The following ORM2 variants were observed in gnomAD, a reference collection of about 807,000 sequenced individuals.
The protein encoded by ORM2 is alpha-1-acid glycoprotein 2.
ORM2 carries 19 observed loss-of-function variants against 26.8 expected under a neutral mutation model. The observed-to-expected ratio is 0.71, with a 90% confidence interval of 0.49 to 1.04. ORM2 has a LOEUF of 1.04. Among genes scored for constraint, ORM2 ranks in the 50% least tolerant of loss-of-function variants. The pLI, the probability that ORM2 is intolerant of heterozygous loss-of-function variation, is 0.00. For missense variants in ORM2, 259 were observed against 244.9 expected, an observed-to-expected ratio of 1.06 and a Z score of -0.39; for synonymous variants, 94 against 100.0, an observed-to-expected ratio of 0.94 and a Z score of 0.36.
intron 2 of ORM2, 59 bp from the exon 3 acceptor site, chr9:114,330,733 A>T: frequency 6.2e-7 from 1 of 1,601,426 alleles, no homozygotes; most frequent in Non-Finnish European, 8.6e-7. Flanking sequence ...GTGATGGGCG[A>T]TTGGCCACTT....
At chr9:114,332,186 G>C (rs1204722753) in intron 5 of ORM2, among the ~76,000 whole-genome samples, 1 of 151,882 alleles carries the variant, frequency 6.6e-6, no homozygotes, top group Non-Finnish European at 1.5e-5. Flanking sequence ...TGAGCCACGG[G>C]GTTGGGGGAT....
At chr9:114,332,824 G>T (rs2131732404) in intron 5 of ORM2, among the ~76,000 whole-genome samples, 1 of 152,334 alleles carries the variant, frequency 6.6e-6, no homozygotes, top group African/African-American at 2.4e-5. Flanking sequence ...GGTACTATGT[G>T]CTCAGTAAAT....
In ORM2 at chr9:114,332,562, T is replaced by A. The variant is rs139726360; in HGVS notation, c.541-507T>A. On this transcript the variant is annotated intron_variant, in intron 5 of 5. Transcript: ENST00000431067. The stretch of plus-strand genomic sequence containing the variant: ...TGACTATTCAAAGAAAAACAATTCC[T>A]TCCATTTGCCACCTGAGATGACCAC... Among the ~76,000 whole-genome samples, 7 of 152,030 alleles carry A rather than the reference T, an allele frequency of 4.6e-5. No individual in the cohort carries two copies. In the East Asian group the frequency reaches 7.8e-4, roughly 17 times the overall value.
chr9:114,330,941 C>G (rs1829841499), intron 3 of ORM2, 79 bp downstream of exon 3: 1 of 1,187,298 alleles, frequency 8.4e-7, no homozygotes, highest in African/African-American at 1.5e-5. Context: ...GGATGTAGAG[C>G]CCTGGAGGCT....
In ORM2 at chr9:114,330,486, A is replaced by G. The variant is rs777042846; in HGVS notation, c.167A>G (p.Asn56Ser). 1.4e-5 allele frequency: 22 copies of G among 1,611,122 alleles called. No homozygotes were observed. The highest frequency in any genetic ancestry group is 1.6e-4 in the Middle Eastern group (1 of 6,078). Residue 56 changes from asparagine (N) to serine (S), a missense_variant, in exon 2 of 6, where the codon AAT (asparagine) becomes AGT (serine). Coordinates refer to ENST00000431067, the MANE Select transcript of ORM2 (RefSeq NM_000608.4). ...TCGGCCTTTCGAAACGAGGAGTACA[A>G]TAAGTCGGTTCAGGAGATCCAAGCA... The part of the protein sequence containing the change: ...IASAFRNEEY[N>S]KSVQEIQATF...
Position 114,331,869 on chromosome 9 carries a change from C to A in ORM2, c.480C>A (p.Tyr160Ter), listed in dbSNP as rs142563384. 1 of 1,613,820 alleles carries A rather than the reference C, an allele frequency of 6.2e-7. No individual in the cohort carries two copies. Among genetic ancestry groups the A allele is most frequent in the East Asian group, 2.2e-5 (1 of 44,872 alleles). ...CCAAGGAGCAACTGGGAGAGTTCTA[C>A]GAAGCTCTCGACTGCTTGTGCATTC... ...ETTKEQLGEF[Y>*]EALDCLCIPR... Residue 160 changes from tyrosine to a stop codon, truncating the protein, a stop_gained, in exon 5 of 6, where the codon TAC becomes TAA. Coordinates refer to ENST00000431067, the MANE Select transcript of ORM2 (RefSeq NM_000608.4). LOFTEE classifies it high-confidence loss of function.
At chr9:114,332,489 C>T (rs1337921020) in intron 5 of ORM2, among the ~76,000 whole-genome samples, 1 of 152,136 alleles carries the variant, frequency 6.6e-6, no homozygotes, top group African/African-American at 2.4e-5. Flanking sequence ...AATCACAGCA[C>T]CGATGAGCTG....
rs146039808 is a variant in ORM2 at position 114,331,917 on chromosome 9, C to T, written c.528C>T (p.Thr176=). 11 of 1,613,718 alleles carry T rather than the reference C, an allele frequency of 6.8e-6. No individual in the cohort carries two copies. The highest frequency in any genetic ancestry group is 9.3e-6 in the Non-Finnish European group (11 of 1,179,804). ...LCIPRSDVMY[T]DWKKDKCEPL... is the part of the protein sequence containing the mutation. ...TTCCCAGGTCAGATGTCATGTACAC[C>T]GACTGGAAAAAGGTAAACGCAAGGG... Residue 176 remains threonine (T), a synonymous_variant, in exon 5 of 6, where the codon ACC becomes ACT. Transcript: ENST00000431067.
chr9:114,332,761 C>CA (rs1438426248), intron 5 of ORM2, among the ~76,000 whole-genome samples: 1 of 152,184 alleles, frequency 6.6e-6, no homozygotes, highest in Non-Finnish European at 1.5e-5. Flanking sequence ...ACATCATCTG[C>CA]ATAGTAGTGG....
In ORM2 at chr9:114,330,112, C is replaced by T. The variant is rs776000114; in HGVS notation, c.114+94C>T. The T allele has an allele frequency of 2.9e-5, 46 of 1,606,902 alleles. 1 individual carries two copies. The highest frequency in any genetic ancestry group is 3.3e-4 in the Middle Eastern group (2 of 6,066). On this transcript the variant is annotated intron_variant, in intron 1 of 5. Coordinates refer to ENST00000431067, the MANE Select transcript of ORM2 (RefSeq NM_000608.4). The stretch of plus-strand genomic sequence containing the variant: ...CCTGCTGGCTGTGGTCGCACCCCCA[C>T]TCCCAGCTCTGCCTTTTTCTCTTCT...
Position 114,331,915 on chromosome 9 carries a change from A to T in ORM2, c.526A>T (p.Thr176Ser). Residue 176 changes from threonine to serine, a missense_variant, in exon 5 of 6, where the codon ACC (threonine) becomes TCC (serine). Physicochemically the swap from Thr to Ser is moderately conservative, Grantham distance 58. Coordinates refer to ENST00000431067, the MANE Select transcript of ORM2 (RefSeq NM_000608.4). ...LCIPRSDVMY[T>S]DWKKDKCEPL... ...CATTCCCAGGTCAGATGTCATGTAC[A>T]CCGACTGGAAAAAGGTAAACGCAAG... 6.2e-7 allele frequency: 1 copy of T among 1,613,774 alleles called. No homozygotes were observed. Among genetic ancestry groups the T allele is most frequent in the Non-Finnish European group, 8.5e-7 (1 of 1,179,826 alleles).
At position 114,331,597 on chromosome 9, in the gene ORM2, T is replaced by G. The variant is rs1588925729; in HGVS notation, c.359T>G (p.Leu120Arg). 28 of 1,613,918 alleles carry G rather than the reference T, an allele frequency of 1.7e-5. No homozygotes were observed. Among genetic ancestry groups the G allele is most frequent in the Non-Finnish European group, 2.3e-5 (27 of 1,180,006 alleles). Reference sequence around the variant, plus strand: ...GGCCGAGAACATGTTGCTCACCTGCTGTTCCTTAGGGACACCAAGACCTTG... The same window carrying G: ...GGCCGAGAACATGTTGCTCACCTGCGGTTCCTTAGGGACACCAAGACCTTG... ...EGGREHVAHL[L>R]FLRDTKTLMF... Residue 120 changes from leucine to arginine, a missense_variant, in exon 4 of 6, where the codon CTG becomes CGG. Coordinates refer to ENST00000431067, the MANE Select transcript of ORM2 (RefSeq NM_000608.4).
At chr9:114,332,733 C>G (rs927535952) in intron 5 of ORM2, among the ~76,000 whole-genome samples, 4 of 152,176 alleles carry the variant, frequency 2.6e-5, no homozygotes, top group Non-Finnish European at 5.9e-5. Context: ...GGTCCCAAGG[C>G]CACCCTGCTC....
intron 5 of ORM2, among the ~76,000 whole-genome samples, chr9:114,332,152 G>A (rs1687382): frequency 4.4e-4 from 67 of 151,648 alleles, no homozygotes; most frequent in Middle Eastern, 3.4e-3. Flanking sequence ...GGGAGGACCT[G>A]AAAGCTAACA....
chr9:114,331,723 C>T (rs1829856479), intron 4 of ORM2, 49 bp downstream of exon 4: 1 of 1,586,198 alleles, frequency 6.3e-7, no homozygotes. Flanking sequence ...AGGCCTCACC[C>T]CCCATTCACC....
chr9:114,330,845 G>A lies in ORM2; in HGVS notation c.311G>A (p.Gly104Glu), dbSNP rs750997062. The part of the protein sequence containing the change: ...SSYLNVQREN[G>E]TVSRYEGGRE... ...TACCTGAATGTCCAGCGGGAGAATG[G>A]GACCGTCTCCAGATACGGTGAGGGC... Residue 104 changes from glycine (G) to glutamate (E), a missense_variant, in exon 3 of 6, where the codon GGG becomes GAG. Transcript: ENST00000431067. 2 of 1,613,868 alleles carry A rather than the reference G, an allele frequency of 1.2e-6. No individual in the cohort carries two copies. The highest frequency in any genetic ancestry group is 1.7e-6 in the Non-Finnish European group (2 of 1,179,910).
At chr9:114,330,996 C>T (rs879638883) in intron 3 of ORM2, 134 bp downstream of exon 3, 23 of 681,986 alleles carry the variant, frequency 3.4e-5, no homozygotes, top group East Asian at 1.3e-4. Context: ...GCTCTTACCA[C>T]GTGCTCAGAA....
At chr9:114,330,958 A>G in intron 3 of ORM2, 96 bp downstream of exon 3, 1 of 972,718 alleles carries the variant, frequency 1.0e-6, no homozygotes, top group Non-Finnish European at 1.6e-6. Flanking sequence ...GGCTTTGGGC[A>G]CAGAGAAATA....
intron 3 of ORM2, among the ~76,000 whole-genome samples, chr9:114,331,151 CCT>C (rs1201918094): frequency 2.0e-5 from 3 of 152,068 alleles, no homozygotes; most frequent in East Asian, 3.9e-4. Flanking sequence ...TCTCTCACGC[CCT>C]CTTTAAGATC....
Sources: gnomAD v4.1 joint callset for allele counts (sites outside exome capture counted in the v4.1 genomes callset) on GRCh38, gnomAD v4.1.1 for gene constraint, MANE v1.5 for transcripts, NCBI Gene and HGNC (gene_info 2026-07-23, HGNC 2026-07-21) for gene names.